ANKRD45: variants seen among roughly 807,000 people sequenced by gnomAD.
The protein encoded by ANKRD45 is ankyrin repeat domain 45, also known as ankyrin repeat domain-containing protein 45.
A neutral mutation model predicts 28.1 loss-of-function variants in ANKRD45; 21 were observed. That is an observed-to-expected ratio of 0.75 (90% CI 0.53 to 1.08). The LOEUF is 1.08. Among genes scored for constraint, ANKRD45 ranks in the 50% least tolerant of loss-of-function variants. The pLI, the probability that ANKRD45 is intolerant of heterozygous loss-of-function variation, is 0.00. For missense variants in ANKRD45, 261 were observed against 308.7 expected (o/e 0.85, Z 1.16); for synonymous variants, 86 against 103.9 (o/e 0.83, Z 1.05).
chr1:173,701,395 A>G, the ANKRD45 span, among the ~76,000 whole-genome samples: 19 of 152,356 alleles, frequency 1.2e-4, no homozygotes, highest in African/African-American at 4.3e-4. Flanking sequence ...CACTATTCAC[A>G]ATAGTAAAGA....
intron 3 of ANKRD45, chr1:173,636,834 A>G (rs1236504810): frequency 6.5e-7 from 1 of 1,535,318 alleles, no homozygotes; most frequent in Non-Finnish European, 8.7e-7. Context: ...TAGCTGAAAA[A>G]GCAAGCCTCC....
Position 173,659,353 on chromosome 1 carries a change from A to C in ANKRD45, c.66T>G (p.Asn22Lys), listed in dbSNP as rs756815495. 41 of 1,611,146 alleles carry C rather than the reference A, an allele frequency of 2.5e-5. No individual in the cohort carries two copies. In the Admixed American group the frequency reaches 6.9e-4, roughly 27 times the overall value. The stretch of plus-strand genomic sequence containing the variant: ...CTGGTTCTTGGGCTTCTTCTTCTTC[A>C]TTTTCCTCTTCTTGCTGTGAGAAAA... ...SEFFSQQEEE[N>K]EEEEAQEPEE... The change falls in exon 2 of 6, where the codon AAT becomes AAG. Residue 22 changes from asparagine (N) to lysine (K), a missense_variant. Asn to Lys is a moderately conservative substitution (Grantham distance 94). Transcript: ENST00000333279.
the ANKRD45 span, among the ~76,000 whole-genome samples, chr1:173,697,808 C>G: frequency 6.6e-6 from 1 of 152,148 alleles, no homozygotes; most frequent in Admixed American, 6.5e-5. Flanking sequence ...CAAATTCACA[C>G]ATAACAATAT....
the ANKRD45 span, among the ~76,000 whole-genome samples, chr1:173,699,806 G>A: frequency 4.6e-5 from 7 of 152,156 alleles, no homozygotes; most frequent in African/African-American, 9.7e-5. Flanking sequence ...ACATAGTGTT[G>A]GAAGTTCTGA....
intron 1 of ANKRD45, chr1:173,669,588 C>A: frequency 2.3e-6 from 1 of 429,042 alleles, no homozygotes; most frequent in Non-Finnish European, 4.7e-6. Context: ...CCAGAGTTTG[C>A]TCTTCGGCCT....
chr1:173,612,295 A>AGAAGGAAG (rs1232260363), intron 5 of ANKRD45, among the ~76,000 whole-genome samples: 48 of 98,466 alleles, frequency 4.9e-4, no homozygotes, highest in South Asian at 5.8e-4. Flanking sequence ...AAAGAAGGAA[A>AGAAGGAAG]GAAGGAAAGA....
chr1:173,640,988 G>A (rs1668676334), intron 3 of ANKRD45, among the ~76,000 whole-genome samples: 1 of 152,042 alleles, frequency 6.6e-6, no homozygotes, highest in Admixed American at 6.6e-5. Context: ...CACTTCTATG[G>A]TATGGGGATT....
At chr1:173,665,911 G>A (rs953340347) in intron 1 of ANKRD45, among the ~76,000 whole-genome samples, 2 of 152,018 alleles carry the variant, frequency 1.3e-5, no homozygotes, top group East Asian at 1.9e-4. Context: ...CTACTTGGGA[G>A]GTGGAGGTGA....
chr1:173,689,797 C>G, the ANKRD45 span, among the ~76,000 whole-genome samples: 128 of 152,178 alleles, frequency 8.4e-4, 3 homozygotes, highest in South Asian at 0.013. Flanking sequence ...CACTGGGGGT[C>G]TCGGGTGGAG....
chr1:173,692,011 TCG>T, the ANKRD45 span, among the ~76,000 whole-genome samples: 1 of 152,040 alleles, frequency 6.6e-6, no homozygotes, highest in African/African-American at 2.4e-5. Context: ...GAAGTCAGGG[TCG>T]AGCAGGTAGC....
At chr1:173,644,884 T>C (rs1668856170) in intron 3 of ANKRD45, among the ~76,000 whole-genome samples, 1 of 151,928 alleles carries the variant, frequency 6.6e-6, no homozygotes, top group Admixed American at 6.6e-5. Flanking sequence ...TACCAGCTAC[T>C]TGGGAGGCTG....
chr1:173,682,919 A>G, the ANKRD45 span, among the ~76,000 whole-genome samples: 1 of 150,728 alleles, frequency 6.6e-6, no homozygotes, highest in Admixed American at 6.6e-5. Context: ...TTAGTAGTCA[A>G]AATAAAAAAT....
chr1:173,695,077 T>G, the ANKRD45 span, among the ~76,000 whole-genome samples: 3 of 152,334 alleles, frequency 2.0e-5, no homozygotes, highest in Non-Finnish European at 4.4e-5. Flanking sequence ...CCTACCTATG[T>G]TAACAAAATC....
At chr1:173,621,354 A>G (rs1667693551) in intron 5 of ANKRD45, among the ~76,000 whole-genome samples, 1 of 152,228 alleles carries the variant, frequency 6.6e-6, no homozygotes, top group African/African-American at 2.4e-5. Context: ...ATACAACAGA[A>G]AAAGAAAACT....
At chr1:173,613,963 C>T (rs1300857370) in intron 5 of ANKRD45, among the ~76,000 whole-genome samples, 2 of 152,182 alleles carry the variant, frequency 1.3e-5, no homozygotes, top group African/African-American at 4.8e-5. Flanking sequence ...TGACCTATGA[C>T]CTTACCCCCA....
rs962033689 is a variant in ANKRD45, at chr1:173,659,424, C to T, written c.-6G>A. 1 of 1,521,830 alleles carries T rather than the reference C, an allele frequency of 6.6e-7. No individual in the cohort carries two copies. Among genetic ancestry groups the T allele is most frequent in the Non-Finnish European group, 8.8e-7 (1 of 1,137,250 alleles). 94.3% of individuals were successfully genotyped at this position (1,521,830 alleles called of 1,614,324 possible). A position where few individuals can be genotyped will look rare whatever the true frequency, so the allele number is the denominator to read the frequency against. On this transcript the variant is annotated 5_prime_UTR_variant, in exon 2 of 6. The change creates a premature stop within an existing upstream ORF in the 5' untranslated region. Coordinates refer to ENST00000333279, the MANE Select transcript of ANKRD45 (RefSeq NM_198493.3). ...GGAGGTCCTTCTGACTCCATTAACT[C>T]CAAAAATACCTATGACCAAAAAAAT...
chr1:173,643,909 T>C (rs1407338826), intron 3 of ANKRD45, among the ~76,000 whole-genome samples: 3 of 152,226 alleles, frequency 2.0e-5, no homozygotes, highest in Non-Finnish European at 2.9e-5. Flanking sequence ...AGGTTTATTT[T>C]GTTCCACTTT....
chr1:173,711,462 T>C, the ANKRD45 span, among the ~76,000 whole-genome samples: 42 of 152,290 alleles, frequency 2.8e-4, no homozygotes, highest in South Asian at 3.9e-3. Context: ...AAGAGACAAA[T>C]TGTTGCATTC....
chr1:173,690,650 C>T, the ANKRD45 span, among the ~76,000 whole-genome samples: 1 of 152,178 alleles, frequency 6.6e-6, no homozygotes, highest in African/African-American at 2.4e-5. Flanking sequence ...CCAAATAAAA[C>T]AGCAATATTT....
Sources: allele counts gnomAD v4.1 joint callset (sites outside exome capture counted in the v4.1 genomes callset), GRCh38; gene constraint gnomAD v4.1.1; transcripts MANE v1.5; gene names NCBI Gene and HGNC (gene_info 2026-07-23, HGNC 2026-07-21).